Variants in NTM observed in about 807,000 individuals in gnomAD.
The protein encoded by NTM is IgLON family member 2.
NTM carries 13 observed loss-of-function variants against 42.1 expected under a neutral mutation model. The ratio of observed to expected loss-of-function variants is 0.31; its 90% CI spans 0.20 to 0.49. The LOEUF is 0.49. Among genes scored for constraint, NTM ranks in the 20% least tolerant of loss-of-function variants. The pLI, the probability that NTM is intolerant of heterozygous loss-of-function variation, is 0.99. For synonymous variants in NTM, 187 were observed against 179.2 expected (o/e 1.04, Z -0.35); for missense variants, 373 against 452.8 (o/e 0.82, Z 1.60).
At chr11:131,680,567 A>G in intron 1 of NTM, among the ~76,000 whole-genome samples, 1 of 141,700 alleles carries the variant, frequency 7.1e-6, no homozygotes, top group East Asian at 2.1e-4. Context: ...GTGTCTGTGT[A>G]GGCATGTGTG....
At chr11:131,753,063 A>G (rs2135719099) in intron 1 of NTM, among the ~76,000 whole-genome samples, 1 of 152,194 alleles carries the variant, frequency 6.6e-6, no homozygotes, top group Non-Finnish European at 1.5e-5. Context: ...AAACAACCCC[A>G]TCAAAAAGTG....
chr11:131,793,827 T>C (rs2091247504), intron 1 of NTM, among the ~76,000 whole-genome samples: 2 of 152,192 alleles, frequency 1.3e-5, no homozygotes, highest in Admixed American at 1.3e-4. Context: ...GCATACGGGC[T>C]GAGGGCCAGC....
intron 1 of NTM, among the ~76,000 whole-genome samples, chr11:131,789,849 G>A (rs561279759): frequency 1.3e-5 from 2 of 150,296 alleles, no homozygotes; most frequent in African/African-American, 2.4e-5. Context: ...CCAGCTACAC[G>A]GGAGGCTGAG....
At chr11:132,166,313 A>G (rs940283309) in intron 3 of NTM, among the ~76,000 whole-genome samples, 1 of 152,192 alleles carries the variant, frequency 6.6e-6, no homozygotes, top group Non-Finnish European at 1.5e-5. Flanking sequence ...GGTCTCTATT[A>G]GTGAGACCTC....
chr11:131,642,978 C>T (rs566108996), intron 1 of NTM, among the ~76,000 whole-genome samples: 32 of 150,966 alleles, frequency 2.1e-4, no homozygotes, highest in African/African-American at 5.6e-4. Flanking sequence ...TTCCCAGAAT[C>T]GTTTCCAGAG....
intron 1 of NTM, among the ~76,000 whole-genome samples, chr11:131,551,452 A>G (rs1359505295): frequency 1.3e-5 from 2 of 152,000 alleles, no homozygotes; most frequent in Non-Finnish European, 2.9e-5. Flanking sequence ...ATTGCAATGA[A>G]CCTGGTATCT....
At chr11:132,030,532 C>T (rs2075778691) in intron 2 of NTM, among the ~76,000 whole-genome samples, 1 of 152,142 alleles carries the variant, frequency 6.6e-6, no homozygotes, top group Non-Finnish European at 1.5e-5. Flanking sequence ...AAACCATGGC[C>T]AGGGGCTTAA....
At chr11:131,916,528 A>G (rs1347095030) in intron 2 of NTM, among the ~76,000 whole-genome samples, 1 of 152,230 alleles carries the variant, frequency 6.6e-6, no homozygotes, top group African/African-American at 2.4e-5. Flanking sequence ...GAGTTTTGAT[A>G]TGGGACTCCA....
intron 4 of NTM, among the ~76,000 whole-genome samples, chr11:132,220,822 C>G (rs1009392541): frequency 6.6e-6 from 1 of 152,186 alleles, no homozygotes; most frequent in Non-Finnish European, 1.5e-5. Context: ...TCATCCTCCC[C>G]ACAGAAGCCA....
At chr11:132,234,801 T>C (rs921296856) in intron 4 of NTM, among the ~76,000 whole-genome samples, 1 of 152,262 alleles carries the variant, frequency 6.6e-6, no homozygotes, top group Non-Finnish European at 1.5e-5. Flanking sequence ...GTTAACTGTT[T>C]GAAGTATGTG....
chr11:132,053,238 C>T (rs938580218), intron 2 of NTM, among the ~76,000 whole-genome samples: 1 of 152,126 alleles, frequency 6.6e-6, no homozygotes, highest in South Asian at 2.1e-4. Flanking sequence ...CCAAGGTCAC[C>T]CACCTGACAA....
intron 1 of NTM, among the ~76,000 whole-genome samples, chr11:131,759,869 T>C (rs1281145993): frequency 6.6e-6 from 1 of 152,132 alleles, no homozygotes; most frequent in East Asian, 1.9e-4. Context: ...TTTCATTTTA[T>C]TTTTAGTGCT....
At chr11:131,688,790 A>G (rs1445781656) in intron 1 of NTM, among the ~76,000 whole-genome samples, 1 of 152,182 alleles carries the variant, frequency 6.6e-6, no homozygotes, top group Non-Finnish European at 1.5e-5. Context: ...TGCTGTCTGG[A>G]GCACCATTTT....
At chr11:131,902,123 G>C (rs1229890793) in intron 1 of NTM, among the ~76,000 whole-genome samples, 1 of 152,200 alleles carries the variant, frequency 6.6e-6, no homozygotes, top group Non-Finnish European at 1.5e-5. Context: ...AGATTCACAA[G>C]CATACAGAAA....
At chr11:131,373,736 C>A (rs531692697) in intron 1 of NTM, among the ~76,000 whole-genome samples, 4 of 152,300 alleles carry the variant, frequency 2.6e-5, no homozygotes, top group African/African-American at 9.6e-5. Flanking sequence ...CCGACCATTT[C>A]TCCTTCGAAG....
intron 1 of NTM, among the ~76,000 whole-genome samples, chr11:131,680,522 C>T (rs1182661474): frequency 1.3e-5 from 1 of 78,494 alleles, no homozygotes; most frequent in Non-Finnish European, 2.4e-5. Context: ...TGTGTGAGAT[C>T]ATGGCTGTGT....
intron 1 of NTM, among the ~76,000 whole-genome samples, chr11:131,759,180 G>A (rs1168792138): frequency 6.6e-6 from 1 of 152,202 alleles, no homozygotes; most frequent in African/African-American, 2.4e-5. Flanking sequence ...CTGTGCATAG[G>A]CAGGATTGGA....
intron 1 of NTM, among the ~76,000 whole-genome samples, chr11:131,528,624 A>C (rs1010744593): frequency 6.6e-6 from 1 of 152,212 alleles, no homozygotes; most frequent in African/African-American, 2.4e-5. Flanking sequence ...TTCTGTTTCC[A>C]GTTCTGCTGC....
intron 1 of NTM, among the ~76,000 whole-genome samples, chr11:131,621,492 G>A (rs760800133): frequency 6.6e-5 from 10 of 152,002 alleles, no homozygotes; most frequent in Non-Finnish European, 1.3e-4. Context: ...CACATCAAGT[G>A]CCACCCTGTC....
Sources: gnomAD v4.1 joint callset for allele counts (sites outside exome capture counted in the v4.1 genomes callset) on GRCh38, gnomAD v4.1.1 for gene constraint, MANE v1.5 for transcripts, NCBI Gene and HGNC (gene_info 2026-07-23, HGNC 2026-07-21) for gene names.